SLC38A11: variants seen among roughly 807,000 people sequenced by gnomAD.
The protein encoded by SLC38A11 is putative sodium-coupled neutral amino acid transporter 11.
Under a neutral mutation model 49.4 loss-of-function variants are expected in SLC38A11, and 51 were observed. The ratio of observed to expected loss-of-function variants is 1.03; its 90% CI spans 0.83 to 1.30. SLC38A11 has a LOEUF of 1.30. Ranked by LOEUF, SLC38A11 falls within the 50% of genes most tolerant of loss-of-function variation. The pLI, the probability that SLC38A11 is intolerant of heterozygous loss-of-function variation, is 0.00. For missense variants in SLC38A11, 574 were observed against 556.2 expected, an observed-to-expected ratio of 1.03 and a Z score of -0.32; for synonymous variants, 203 against 192.9, an observed-to-expected ratio of 1.05 and a Z score of -0.43.
At chr2:164,946,281 A>G (rs1323626216) in intron 3 of SLC38A11, among the ~76,000 whole-genome samples, 1 of 152,116 alleles carries the variant, frequency 6.6e-6, no homozygotes, top group Non-Finnish European at 1.5e-5. Context: ...TGAAATTTAC[A>G]TTTTTGGCCG....
At chr2:164,905,905 C>T (rs1336157779) in intron 11 of SLC38A11, among the ~76,000 whole-genome samples, 1 of 151,812 alleles carries the variant, frequency 6.6e-6, no homozygotes, top group Non-Finnish European at 1.5e-5. Flanking sequence ...TCTTTAATAC[C>T]AGAATTCTGT....
At chr2:164,948,817 A>T (rs572884533) in intron 3 of SLC38A11, among the ~76,000 whole-genome samples, 85 of 151,738 alleles carry the variant, frequency 5.6e-4, no homozygotes, top group Non-Finnish European at 1.0e-3. Context: ...CTTTAGCCAG[A>T]CTAAATCACT....
intron 7 of SLC38A11, among the ~76,000 whole-genome samples, chr2:164,923,970 C>T (rs968088753): frequency 6.6e-6 from 1 of 152,110 alleles, no homozygotes; most frequent in Non-Finnish European, 1.5e-5. Context: ...ACTGGGTACA[C>T]ACCCAGAGGA....
At chr2:164,923,674 G>C (rs1055945396) in intron 7 of SLC38A11, among the ~76,000 whole-genome samples, 1 of 152,000 alleles carries the variant, frequency 6.6e-6, no homozygotes, top group African/African-American at 2.4e-5. Flanking sequence ...GTGCACACCT[G>C]TAGTCCCAGT....
At chr2:164,920,199 G>T (rs536192088) in intron 7 of SLC38A11, among the ~76,000 whole-genome samples, 1 of 151,498 alleles carries the variant, frequency 6.6e-6, no homozygotes, top group Non-Finnish European at 1.5e-5. Flanking sequence ...ACTTGAACCT[G>T]GGGGGTGGAG....
intron 5 of SLC38A11, among the ~76,000 whole-genome samples, chr2:164,940,684 A>ATT (rs1210024067): frequency 6.6e-6 from 1 of 150,736 alleles, no homozygotes; most frequent in Non-Finnish European, 1.5e-5. Flanking sequence ...ACATATATGT[A>ATT]TTATATATAT....
At chr2:164,906,293 T>G (rs551306468) in intron 11 of SLC38A11, among the ~76,000 whole-genome samples, 8 of 152,154 alleles carry the variant, frequency 5.3e-5, no homozygotes, top group Non-Finnish European at 1.2e-4. Context: ...AGGTGAAAGA[T>G]TACTACTACT....
In SLC38A11 at chr2:164,954,627, T is replaced by C. The variant is rs1307179997; in HGVS notation, c.154+4A>G. 3.0e-5 allele frequency: 43 copies of C among 1,446,154 alleles called. No individual in the cohort carries two copies. In the Admixed American group the frequency reaches 9.2e-4, roughly 31 times the overall value. The allele number at this position is 1,446,154 out of a possible 1,614,324, so 89.6% of individuals were successfully genotyped here. A position where few individuals can be genotyped will look rare whatever the true frequency, so the allele number is the denominator to read the frequency against. On this transcript the variant is annotated splice_donor_region_variant and intron_variant, in intron 2 of 11. Transcript: ENST00000685975. Reference sequence around the variant, plus strand: ...AAAATTTAAACCAAAGCAAATACACTTACCTATTATACCAGATCCTATAAT... The same window carrying C: ...AAAATTTAAACCAAAGCAAATACACCTACCTATTATACCAGATCCTATAAT...
chr2:164,911,305 C>A (rs1030306789), intron 10 of SLC38A11, among the ~76,000 whole-genome samples: 3 of 151,944 alleles, frequency 2.0e-5, no homozygotes, highest in Non-Finnish European at 4.4e-5. Flanking sequence ...TGTAAGAATG[C>A]CTTAAAAGCA....
intron 7 of SLC38A11, among the ~76,000 whole-genome samples, chr2:164,932,015 A>G (rs1687037825): frequency 6.6e-6 from 1 of 152,234 alleles, no homozygotes; most frequent in South Asian, 2.1e-4. Flanking sequence ...AATTTCTGCA[A>G]ACTATGCATC....
In SLC38A11 at chr2:164,944,621, G is replaced by T. The variant is rs1240920329; in HGVS notation, c.378C>A (p.Tyr126Ter). The change falls in exon 5 of 12, where the codon TAC becomes TAA. Residue 126 changes from tyrosine to a stop codon, truncating the protein, a stop_gained. Transcript: ENST00000685975. LOFTEE classifies it high-confidence loss of function. ...FLYPFIAMIS[Y>*]NIIAGDTLSK... ...TCAAAGTATCTCCAGCTATTATATT[G>T]TAACTTATCATTGCTAAAAACATAA... 3 of 1,305,376 alleles carry T rather than the reference G, an allele frequency of 2.3e-6. No individual in the cohort carries two copies. Among genetic ancestry groups the T allele is most frequent in the Non-Finnish European group, 3.0e-6 (3 of 1,002,860 alleles). The allele number at this position is 1,305,376 out of a possible 1,614,324, so 80.9% of individuals were successfully genotyped here.
chr2:164,915,033 C>A, intron 9 of SLC38A11, 79 bp downstream of exon 9: 1 of 1,291,292 alleles, frequency 7.7e-7, no homozygotes, highest in Non-Finnish European at 1.1e-6. Context: ...ACTGGGCATA[C>A]CTGTAACAAT....
At chr2:164,915,589 T>C (rs1685726339) in intron 8 of SLC38A11, 2 of 420,942 alleles carry the variant, frequency 4.8e-6, no homozygotes, top group Admixed American at 3.9e-5. Flanking sequence ...TCCTGTGGCT[T>C]CCTTTGCCAT....
Position 164,915,499 on chromosome 2 carries a change from G to A in SLC38A11, c.689-226C>T, listed in dbSNP as rs1685718565. 5 of 474,428 alleles carry A rather than the reference G, an allele frequency of 1.1e-5. No homozygotes were observed. The South Asian group carries it at 1.7e-4, about 16-fold the overall frequency. The allele number at this position is 474,428 out of a possible 1,614,324, so 29.4% of individuals were successfully genotyped here. On this transcript the variant is annotated intron_variant, in intron 8 of 11. Coordinates refer to ENST00000685975, the MANE Select transcript of SLC38A11 (RefSeq NM_001351537.2). ...TCATGTTACTCTTGATATAAACCAGGCCAGTCCAACATTCTCTCTCATTTT... is the reference window on the plus strand; with the variant it reads ...TCATGTTACTCTTGATATAAACCAGACCAGTCCAACATTCTCTCTCATTTT...
chr2:164,919,900 T>C (rs1686061671), intron 7 of SLC38A11, among the ~76,000 whole-genome samples: 2 of 152,162 alleles, frequency 1.3e-5, no homozygotes, highest in South Asian at 4.1e-4. Context: ...TACTCCCCCC[T>C]TATCTATAGG....
In SLC38A11 at chr2:164,952,363, G is replaced by A. The variant is rs565192730; in HGVS notation, c.229+344C>T. ...TGCTCATTCACACGCACCTGCCCAC[G>A]AAGCCCTGCTATCTGCACTTTCAGA... is the stretch of plus-strand genomic sequence containing the variant. On this transcript the variant is annotated intron_variant, in intron 3 of 11. Transcript: ENST00000685975. Among the ~76,000 whole-genome samples, 5 of 152,206 alleles carry A rather than the reference G, an allele frequency of 3.3e-5. No individual in the cohort carries two copies. In the South Asian group the frequency reaches 6.2e-4, roughly 19 times the overall value.
At position 164,936,910 on chromosome 2, in the gene SLC38A11, G is replaced by A. The variant is rs542983855; in HGVS notation, c.617+440C>T. On this transcript the variant is annotated intron_variant, in intron 7 of 11. Coordinates refer to ENST00000685975, the MANE Select transcript of SLC38A11 (RefSeq NM_001351537.2). ...TTATCCTTAGTTCACAAATGATGTA[G>A]TATTTTAACACAAAATAATTAAGGA... Among the ~76,000 whole-genome samples, 9 of 152,222 alleles carry A rather than the reference G, an allele frequency of 5.9e-5. No individual in the cohort carries two copies. In the South Asian group the frequency reaches 1.7e-3, roughly 28 times the overall value.
chr2:164,925,178 C>G (rs1039731584), intron 7 of SLC38A11, among the ~76,000 whole-genome samples: 1 of 152,156 alleles, frequency 6.6e-6, no homozygotes. Flanking sequence ...ACCTACTGGG[C>G]GTTCTCTAAT....
intron 3 of SLC38A11, among the ~76,000 whole-genome samples, chr2:164,948,807 C>A (rs1574012766): frequency 6.6e-6 from 1 of 152,222 alleles, no homozygotes; most frequent in South Asian, 2.1e-4. Context: ...CAACCCTACA[C>A]TTTAGCCAGA....
Sources: allele counts gnomAD v4.1 joint callset (sites outside exome capture counted in the v4.1 genomes callset), GRCh38; gene constraint gnomAD v4.1.1; transcripts MANE v1.5; gene names NCBI Gene and HGNC (gene_info 2026-07-23, HGNC 2026-07-21).